Variants in KAT6B observed in about 807,000 individuals in gnomAD.
KAT6B encodes the protein lysine acetyltransferase 6B.
Under a neutral mutation model 187.5 loss-of-function variants are expected in KAT6B, and 10 were observed. The observed-to-expected ratio is 0.05, with a 90% CI of 0.03 to 0.09. KAT6B has a LOEUF of 0.09. KAT6B is among the 10% of genes least tolerant of loss of function. The probability of loss-of-function intolerance (pLI) is 1.00; values close to 1 mark genes in which losing one functional copy is unlikely to be tolerated. For synonymous variants in KAT6B, 861 were observed against 926.8 expected, an observed-to-expected ratio of 0.93 and a Z score of 1.29; for missense variants, 1,952 against 2,558.9, an observed-to-expected ratio of 0.76 and a Z score of 5.12.
rs4746251 is a variant in KAT6B, at chr10:75,020,395, A to G, written c.2630-187A>G. Among the ~76,000 whole-genome samples, 14,985 of 152,250 alleles carry G rather than the reference A, an allele frequency of 0.098. 1,696 individuals carry two copies. Among genetic ancestry groups the G allele is most frequent in the African/African-American group, 0.28 (11,592 of 41,482 alleles). Reference sequence around the variant, plus strand: ...TTGACTTAGAGTGCCACTGTCAAAGATTCAGGAGCGTAAACTTCACGGAGA... The same window carrying G: ...TTGACTTAGAGTGCCACTGTCAAAGGTTCAGGAGCGTAAACTTCACGGAGA... On this transcript the variant is annotated intron_variant, in intron 13 of 17. Coordinates refer to ENST00000287239, the MANE Select transcript of KAT6B (RefSeq NM_012330.4).
intron 10 of KAT6B, among the ~76,000 whole-genome samples, chr10:74,980,867 C>T (rs1335759061): frequency 1.3e-5 from 2 of 152,216 alleles, no homozygotes; most frequent in East Asian, 1.9e-4. Flanking sequence ...GATTTTCAGC[C>T]GTGCTATTTA....
At chr10:75,002,204 C>A (rs1185727289) in intron 13 of KAT6B, among the ~76,000 whole-genome samples, 3 of 152,098 alleles carry the variant, frequency 2.0e-5, no homozygotes, top group Non-Finnish European at 4.4e-5. Context: ...ATGAAGCACT[C>A]ACTTGAATCA....
intron 3 of KAT6B, among the ~76,000 whole-genome samples, chr10:74,931,640 CTTT>C: frequency 6.6e-6 from 1 of 152,110 alleles, no homozygotes; most frequent in South Asian, 2.1e-4. Context: ...TTTACCATAC[CTTT>C]CTTTTAAAAG....
chr10:75,022,322 C>A, intron 16 of KAT6B, 91 bp downstream of exon 16: 3 of 1,426,474 alleles, frequency 2.1e-6, no homozygotes, highest in Non-Finnish European at 3.0e-6. Flanking sequence ...TTGTTTCACT[C>A]TCTGTTCTTT....
intron 13 of KAT6B, among the ~76,000 whole-genome samples, chr10:74,993,946 G>C (rs1459811337): frequency 1.3e-5 from 2 of 152,096 alleles, no homozygotes; most frequent in Admixed American, 6.5e-5. Flanking sequence ...TAACTGCCAG[G>C]CTTCTTCACT....
chr10:74,855,438 ATAT>A (rs1471643428), intron 3 of KAT6B, among the ~76,000 whole-genome samples: 1 of 152,254 alleles, frequency 6.6e-6, no homozygotes, highest in Admixed American at 6.5e-5. Context: ...ACATAAGAAC[ATAT>A]TAAAATCTAG....
At chr10:74,843,574 GTT>G (rs1316897285) in intron 3 of KAT6B, 96 bp downstream of exon 3, 2 of 1,473,506 alleles carry the variant, frequency 1.4e-6, no homozygotes, top group Non-Finnish European at 1.9e-6. Flanking sequence ...TCTGAATAAA[GTT>G]TGATAAAATT....
In KAT6B at chr10:74,862,458, A is replaced by G. The variant is rs556181348; in HGVS notation, c.621+18980A>G. Among the ~76,000 whole-genome samples, 4 of 152,308 alleles carry G rather than the reference A, an allele frequency of 2.6e-5. 1 individual carries two copies. Among genetic ancestry groups the G allele is most frequent in the African/African-American group, 4.8e-5 (2 of 41,576 alleles). Reference sequence around the variant, plus strand: ...GAGCTTTTAAACGTTAGATGCCCAGATCACACCTCCATGCTGCTTAAATAA... The same window carrying G: ...GAGCTTTTAAACGTTAGATGCCCAGGTCACACCTCCATGCTGCTTAAATAA... On this transcript the variant is annotated intron_variant, in intron 3 of 17. Transcript: ENST00000287239.
At chr10:74,942,271 T>C (rs1849727079) in intron 3 of KAT6B, among the ~76,000 whole-genome samples, 1 of 152,154 alleles carries the variant, frequency 6.6e-6, no homozygotes, top group Non-Finnish European at 1.5e-5. Context: ...ATAAAAAGGA[T>C]AATACATTTT....
chr10:74,915,951 G>C (rs1216769948), intron 3 of KAT6B, among the ~76,000 whole-genome samples: 1 of 152,168 alleles, frequency 6.6e-6, no homozygotes, highest in Non-Finnish European at 1.5e-5. Flanking sequence ...TGGATCACAA[G>C]GTCAGGAGTT....
chr10:74,931,630 T>C (rs934921426), intron 3 of KAT6B, among the ~76,000 whole-genome samples: 12 of 152,224 alleles, frequency 7.9e-5, no homozygotes, highest in African/African-American at 2.7e-4. Context: ...TTTAAAGCTG[T>C]TTACCATACC....
chr10:74,967,312 A>G (rs920798474), intron 4 of KAT6B, among the ~76,000 whole-genome samples: 22 of 147,576 alleles, frequency 1.5e-4, no homozygotes, highest in African/African-American at 5.5e-4. Context: ...CCTGGGCAAC[A>G]GAGCGAGACT....
intron 13 of KAT6B, among the ~76,000 whole-genome samples, chr10:74,993,291 G>T (rs1843225487): frequency 6.6e-6 from 1 of 152,146 alleles, no homozygotes; most frequent in Non-Finnish European, 1.5e-5. Context: ...AATAATTTCA[G>T]ACTTAGAGAA....
chr10:74,897,853 A>T (rs1182351199), intron 3 of KAT6B, among the ~76,000 whole-genome samples: 1 of 152,198 alleles, frequency 6.6e-6, no homozygotes, highest in African/African-American at 2.4e-5. Flanking sequence ...TGGCTCTAAA[A>T]ATTGAAATTT....
At chr10:74,966,440 T>C (rs1841476221) in intron 4 of KAT6B, among the ~76,000 whole-genome samples, 1 of 152,240 alleles carries the variant, frequency 6.6e-6, no homozygotes, top group Non-Finnish European at 1.5e-5. Flanking sequence ...GCTGCTGTTG[T>C]TGTGCTTACT....
At chr10:74,945,762 T>C (rs1262627948) in intron 3 of KAT6B, among the ~76,000 whole-genome samples, 1 of 152,208 alleles carries the variant, frequency 6.6e-6, no homozygotes, top group East Asian at 1.9e-4. Flanking sequence ...CTGCCCAAAC[T>C]TTAAAAGGTT....
intron 8 of KAT6B, 42 bp downstream of exon 8, chr10:74,976,372 C>A: frequency 6.6e-7 from 1 of 1,511,818 alleles, no homozygotes; most frequent in Non-Finnish European, 9.1e-7. Context: ...TGCGTCCCGT[C>A]CCTTTCTCCC....
At chr10:74,864,397 C>T (rs1207453900) in intron 3 of KAT6B, among the ~76,000 whole-genome samples, 15 of 152,220 alleles carry the variant, frequency 9.9e-5, no homozygotes, top group Admixed American at 7.2e-4. Context: ...TGCTCCACTA[C>T]GCCCGGCTAA....
At chr10:74,917,268 C>T (rs1039830668) in intron 3 of KAT6B, among the ~76,000 whole-genome samples, 1 of 152,106 alleles carries the variant, frequency 6.6e-6, no homozygotes, top group African/African-American at 2.4e-5. Flanking sequence ...TCCCTGATAA[C>T]CACTTATATA....
Sources: gnomAD v4.1 joint callset for allele counts (sites outside exome capture counted in the v4.1 genomes callset) on GRCh38, gnomAD v4.1.1 for gene constraint, MANE v1.5 for transcripts, NCBI Gene and HGNC (gene_info 2026-07-23, HGNC 2026-07-21) for gene names.